Variants in ARL6IP6 observed in about 807,000 individuals in gnomAD.
The protein encoded by ARL6IP6 is ADP-ribosylation factor-like protein 6-interacting protein 6.
Under a neutral mutation model 21.5 loss-of-function variants are expected in ARL6IP6, and 22 were observed. That is an observed-to-expected ratio of 1.02 (90% CI 0.73 to 1.46). ARL6IP6 has a LOEUF of 1.46. ARL6IP6 is among the 40% of genes most tolerant of loss of function. The probability of loss-of-function intolerance (pLI) is 0.00; values close to 1 mark genes in which losing one functional copy is unlikely to be tolerated. For missense variants in ARL6IP6, 388 were observed against 299.8 expected, an observed-to-expected ratio of 1.29 and a Z score of -2.17; for synonymous variants, 164 against 125.3, an observed-to-expected ratio of 1.31 and a Z score of -2.06.
At chr2:152,736,017 G>A (rs941632708) in intron 3 of ARL6IP6, among the ~76,000 whole-genome samples, 2 of 151,848 alleles carry the variant, frequency 1.3e-5, no homozygotes, top group Non-Finnish European at 2.9e-5. Context: ...ATTTTGGCTC[G>A]ACTTCAAATG....
In ARL6IP6 at chr2:152,762,320, C is replaced by A. The variant is rs553612874; in HGVS notation, c.*2480C>A. 1.3e-5 allele frequency among the ~76,000 whole-genome samples: 2 copies of A among 152,324 alleles called. No individual in the cohort carries two copies. The highest frequency in any genetic ancestry group is 2.1e-4 in the South Asian group (1 of 4,828). ...ATATTGCTAATGGCGTTACCCTGGT[C>A]CCTGAAGCCCAGTGGCAATCCTGCC... On this transcript the variant is annotated 3_prime_UTR_variant, in exon 4 of 4. Coordinates refer to ENST00000326446, the MANE Select transcript of ARL6IP6 (RefSeq NM_152522.7).
chr2:152,759,634 A>G, intron 3 of ARL6IP6, 113 bp from the exon 4 acceptor site: 1 of 762,134 alleles, frequency 1.3e-6, no homozygotes, highest in Non-Finnish European at 2.2e-6. Flanking sequence ...TCATATGTGA[A>G]CATTTGGGAA....
chr2:152,753,322 G>A (rs1701425104), intron 3 of ARL6IP6, among the ~76,000 whole-genome samples: 1 of 152,124 alleles, frequency 6.6e-6, no homozygotes, highest in Non-Finnish European at 1.5e-5. Flanking sequence ...TTGTTCCTCT[G>A]ACCTAAAAAT....
chr2:152,717,878 T>C (rs1573990832), upstream of ARL6IP6: 2 of 1,049,660 alleles, frequency 1.9e-6, no homozygotes, highest in East Asian at 9.5e-5. Flanking sequence ...AAGCAGCCTG[T>C]AGTGTTAGCG....
rs1437011358 is a variant in ARL6IP6, at chr2:152,720,603, CGCTT to C, written c.454+22_454+25del. The stretch of plus-strand genomic sequence containing the variant: ...GACTATTAGGTATGGACTTAATTGC[CGCTT>C]GCTTTGGTTTTGAGCTCACGTTTGT... On this transcript the variant is annotated intron_variant, in intron 2 of 3. Coordinates refer to ENST00000326446, the MANE Select transcript of ARL6IP6 (RefSeq NM_152522.7). 1 of 1,608,246 alleles carries C rather than the reference CGCTT, an allele frequency of 6.2e-7. No homozygotes were observed. Among genetic ancestry groups the C allele is most frequent in the South Asian group, 1.1e-5 (1 of 90,542 alleles).
chr2:152,730,421 G>A (rs999748736), intron 2 of ARL6IP6, among the ~76,000 whole-genome samples: 2 of 152,066 alleles, frequency 1.3e-5, no homozygotes, highest in Admixed American at 1.3e-4. Flanking sequence ...TAAACTTTGA[G>A]TAAACTTGTC....
At chr2:152,745,637 T>C (rs747996455) in intron 3 of ARL6IP6, among the ~76,000 whole-genome samples, 1 of 152,216 alleles carries the variant, frequency 6.6e-6, no homozygotes, top group South Asian at 2.1e-4. Context: ...TCAGATTCTT[T>C]ATTGCCATGA....
At chr2:152,724,351 T>C (rs1401233057) in intron 2 of ARL6IP6, among the ~76,000 whole-genome samples, 1 of 152,176 alleles carries the variant, frequency 6.6e-6, no homozygotes, top group Non-Finnish European at 1.5e-5. Flanking sequence ...CCAAAAGCCA[T>C]TAATTTGTGT....
chr2:152,724,109 C>G (rs1425255451), intron 2 of ARL6IP6, among the ~76,000 whole-genome samples: 1 of 74,268 alleles, frequency 1.3e-5, no homozygotes, highest in Non-Finnish European at 3.6e-5. Context: ...TGACTAAGGC[C>G]AAAAAAAAAA....
intron 3 of ARL6IP6, among the ~76,000 whole-genome samples, chr2:152,745,928 C>T (rs554278533): frequency 1.3e-5 from 2 of 148,846 alleles, no homozygotes; most frequent in South Asian, 2.1e-4. Context: ...ACAAAATCCT[C>T]TAGGAAATTG....
intron 3 of ARL6IP6, among the ~76,000 whole-genome samples, chr2:152,755,783 GTCTTT>G (rs544558200): frequency 5.1e-4 from 78 of 152,260 alleles, no homozygotes; most frequent in Non-Finnish European, 9.9e-4. Context: ...GGGCCCAGCT[GTCTTT>G]TCTTTTATCT....
At chr2:152,724,186 C>T (rs2105093688) in intron 2 of ARL6IP6, among the ~76,000 whole-genome samples, 1 of 149,918 alleles carries the variant, frequency 6.7e-6, no homozygotes, top group East Asian at 2.0e-4. Context: ...ATCTGGGTTT[C>T]CGAATTGATT....
chr2:152,719,182 C>G (rs1036213891), intron 1 of ARL6IP6, among the ~76,000 whole-genome samples, 158 bp downstream of exon 1: 1 of 152,160 alleles, frequency 6.6e-6, no homozygotes, highest in Non-Finnish European at 1.5e-5. Context: ...CTCTCCCGCC[C>G]TTTGCCTTTT....
chr2:152,744,367 A>G (rs758953377), intron 3 of ARL6IP6, among the ~76,000 whole-genome samples: 3 of 152,258 alleles, frequency 2.0e-5, no homozygotes, highest in Middle Eastern at 3.4e-3. Context: ...TGTCTATTTT[A>G]TAGAAGTCAG....
Position 152,761,450 on chromosome 2 carries a change from T to C in ARL6IP6, c.*1610T>C, listed in dbSNP as rs1701841082. On this transcript the variant is annotated 3_prime_UTR_variant, in exon 4 of 4. Transcript: ENST00000326446. Reference sequence around the variant, plus strand: ...TCAATTTATCTTCTCTCCACCACTCTGTATTCCCACGCACCACCAATGTGA... The same window carrying C: ...TCAATTTATCTTCTCTCCACCACTCCGTATTCCCACGCACCACCAATGTGA... Among the ~76,000 whole-genome samples, 1 of 152,156 alleles carries C rather than the reference T, an allele frequency of 6.6e-6. No individual in the cohort carries two copies.
chr2:152,734,908 A>G, intron 2 of ARL6IP6, 86 bp from the exon 3 acceptor site: 4 of 1,322,400 alleles, frequency 3.0e-6, no homozygotes, highest in South Asian at 1.4e-5. Flanking sequence ...TGAGAAATAT[A>G]CATGATCTGA....
upstream of ARL6IP6, chr2:152,718,593 CG>C (rs1559215089): frequency 1.5e-5 from 22 of 1,501,400 alleles, no homozygotes; most frequent in Non-Finnish European, 1.8e-5. Flanking sequence ...GGGAGAGGCT[CG>C]TTCTCCGCGG....
At chr2:152,730,183 G>A (rs1265503340) in intron 2 of ARL6IP6, among the ~76,000 whole-genome samples, 1 of 152,078 alleles carries the variant, frequency 6.6e-6, no homozygotes, top group African/African-American at 2.4e-5. Flanking sequence ...CTTAGATTGT[G>A]GAATAGTAAT....
At chr2:152,755,749 G>A (rs1412871291) in intron 3 of ARL6IP6, among the ~76,000 whole-genome samples, 2 of 152,080 alleles carry the variant, frequency 1.3e-5, no homozygotes, top group Non-Finnish European at 2.9e-5. Context: ...ACTGGTCTCC[G>A]CGAATTGGTG....
Sources: gnomAD v4.1 joint callset for allele counts (sites outside exome capture counted in the v4.1 genomes callset) on GRCh38, gnomAD v4.1.1 for gene constraint, MANE v1.5 for transcripts, NCBI Gene and HGNC (gene_info 2026-07-23, HGNC 2026-07-21) for gene names.